ENOX1: variants seen among roughly 807,000 people sequenced by gnomAD.
The protein encoded by ENOX1 is ecto-NOX disulfide-thiol exchanger 1.
Under a neutral mutation model 82.5 loss-of-function variants are expected in ENOX1, and 42 were observed. The observed-to-expected ratio is 0.51, with a 90% CI of 0.40 to 0.66. ENOX1 has a LOEUF of 0.66. Among genes scored for constraint, ENOX1 ranks in the 30% least tolerant of loss-of-function variants. The pLI is 0.00. For missense variants in ENOX1, 608 were observed against 811.6 expected, an observed-to-expected ratio of 0.75 and a Z score of 3.05; for synonymous variants, 271 against 282.2, an observed-to-expected ratio of 0.96 and a Z score of 0.40.
intron 1 of ENOX1, among the ~76,000 whole-genome samples, chr13:43,768,189 C>T (rs1443929311): frequency 6.6e-6 from 1 of 152,250 alleles, no homozygotes; most frequent in African/African-American, 2.4e-5. Flanking sequence ...TTTTTGATTA[C>T]TGTTTAATTG....
intron 13 of ENOX1, among the ~76,000 whole-genome samples, chr13:43,266,898 A>G (rs1474003384): frequency 6.6e-5 from 10 of 152,174 alleles, no homozygotes; most frequent in African/African-American, 2.4e-4. Flanking sequence ...GTAGAGGACT[A>G]TTTTGTGAAT....
intron 2 of ENOX1, among the ~76,000 whole-genome samples, chr13:43,606,574 AT>A (rs2081983094): frequency 6.6e-6 from 1 of 152,188 alleles, no homozygotes; most frequent in African/African-American, 2.4e-5. Context: ...GTTCTTACTT[AT>A]TTGTGGGAGC....
At chr13:43,534,130 G>A (rs4601945) in intron 2 of ENOX1, among the ~76,000 whole-genome samples, 148,571 of 152,222 alleles carry the variant, frequency 0.98, 72,617 homozygotes, top group East Asian at 1. Context: ...TACCCTTTCC[G>A]TTGTATGAGT....
At chr13:43,334,477 C>G (rs1044568461) in intron 9 of ENOX1, among the ~76,000 whole-genome samples, 1 of 152,070 alleles carries the variant, frequency 6.6e-6, no homozygotes, top group Non-Finnish European at 1.5e-5. Flanking sequence ...CTCAGAGTCC[C>G]TGGGGGAGAC....
In ENOX1 at chr13:43,733,965, C is replaced by A. The variant is rs933307413; in HGVS notation, c.-285+52687G>T. Among the ~76,000 whole-genome samples the A allele has an allele frequency of 2.6e-5, 4 of 151,908 alleles. No individual in the cohort carries two copies. The East Asian group carries it at 7.7e-4, about 29-fold the overall frequency. On this transcript the variant is annotated intron_variant, in intron 1 of 16. Coordinates refer to ENST00000690772, the MANE Select transcript of ENOX1 (RefSeq NM_001347969.2). ...CAGAGTGAGACCCTGCTCCTGCCCC[C>A]CAACCAAAAAAAGAAAAGAAAAGAA...
Position 43,647,296 on chromosome 13 carries a change from T to C in ENOX1, c.-219+20183A>G, listed in dbSNP as rs151131813. Among the ~76,000 whole-genome samples, 1,006 of 152,320 alleles carry C rather than the reference T, an allele frequency of 6.6e-3. 32 individuals are homozygous for C. Among genetic ancestry groups the C allele is most frequent in the Admixed American group, 0.058 (892 of 15,278 alleles). On this transcript the variant is annotated intron_variant, in intron 2 of 16. Transcript: ENST00000690772. ...AATAGTGCTTCTATTGTAGGATTAT[T>C]ATAAAGATTGAATAAAATAAATAAA... is the stretch of plus-strand genomic sequence containing the variant.
chr13:43,292,037 T>C (rs2046029462), intron 12 of ENOX1, among the ~76,000 whole-genome samples: 1 of 151,972 alleles, frequency 6.6e-6, no homozygotes, highest in Admixed American at 6.6e-5. Flanking sequence ...CCTCCACACC[T>C]AAATATACAC....
chr13:43,373,351 C>G (rs2051374544), intron 5 of ENOX1, among the ~76,000 whole-genome samples: 1 of 152,114 alleles, frequency 6.6e-6, no homozygotes. Context: ...TCTTTCTTCT[C>G]CCCCAGGACC....
Position 43,357,304 on chromosome 13 carries a change from G to A in ENOX1, c.590-1152C>T, listed in dbSNP as rs576421844. On this transcript the variant is annotated intron_variant, in intron 7 of 16. Coordinates refer to ENST00000690772, the MANE Select transcript of ENOX1 (RefSeq NM_001347969.2). The stretch of plus-strand genomic sequence containing the variant: ...TTCAATGGATTATTTTAGCACTTGG[G>A]GATAAACCTCAGCTGAAAATCTCTG... Among the ~76,000 whole-genome samples, 33 of 152,190 alleles carry A rather than the reference G, an allele frequency of 2.2e-4. No individual in the cohort carries two copies. The South Asian group carries it at 6.6e-3, about 31-fold the overall frequency.
intron 1 of ENOX1, among the ~76,000 whole-genome samples, chr13:43,709,403 A>G (rs571572034): frequency 6.6e-6 from 1 of 152,268 alleles, no homozygotes; most frequent in Admixed American, 6.5e-5. Flanking sequence ...TAACCATTAC[A>G]GAAGAAATCT....
At chr13:43,643,605 G>A (rs896609922) in intron 2 of ENOX1, among the ~76,000 whole-genome samples, 1 of 151,096 alleles carries the variant, frequency 6.6e-6, no homozygotes, top group Non-Finnish European at 1.5e-5. Flanking sequence ...CTGTATGTAT[G>A]TGCATGTATA....
chr13:43,618,106 G>A (rs1206084658), intron 2 of ENOX1, among the ~76,000 whole-genome samples: 1 of 152,034 alleles, frequency 6.6e-6, no homozygotes, highest in Non-Finnish European at 1.5e-5. Context: ...TGAGTTCGTT[G>A]TAGATTCTGG....
intron 3 of ENOX1, among the ~76,000 whole-genome samples, chr13:43,423,803 CAG>C (rs2055123403): frequency 6.6e-6 from 1 of 152,220 alleles, no homozygotes; most frequent in Non-Finnish European, 1.5e-5. Context: ...AAGGACATAT[CAG>C]ATAATTCTTG....
chr13:43,710,349 T>A (rs1209396128), intron 1 of ENOX1, among the ~76,000 whole-genome samples: 2 of 152,066 alleles, frequency 1.3e-5, no homozygotes, highest in Non-Finnish European at 2.9e-5. Context: ...ATAGATTAAA[T>A]GAAAAAAATC....
chr13:43,438,403 A>C (rs1229209893), intron 3 of ENOX1, among the ~76,000 whole-genome samples: 1 of 152,130 alleles, frequency 6.6e-6, no homozygotes. Flanking sequence ...TAGCAATTGG[A>C]ATGTGGAAGT....
At chr13:43,408,054 G>A (rs183232024) in intron 5 of ENOX1, among the ~76,000 whole-genome samples, 11 of 152,334 alleles carry the variant, frequency 7.2e-5, no homozygotes, top group African/African-American at 2.6e-4. Flanking sequence ...ATGATCTCAA[G>A]TAGCACTTCC....
intron 2 of ENOX1, among the ~76,000 whole-genome samples, chr13:43,602,496 T>C (rs945920541): frequency 2.6e-5 from 4 of 152,120 alleles, no homozygotes; most frequent in Non-Finnish European, 5.9e-5. Context: ...AATTTCCACA[T>C]TTATCTTATA....
intron 2 of ENOX1, among the ~76,000 whole-genome samples, chr13:43,527,523 C>G (rs2078038867): frequency 6.6e-6 from 1 of 152,038 alleles, no homozygotes; most frequent in Non-Finnish European, 1.5e-5. Context: ...GATTTTGGAG[C>G]CTACATTTCT....
At chr13:43,637,084 G>A (rs1310570679) in intron 2 of ENOX1, among the ~76,000 whole-genome samples, 1 of 152,174 alleles carries the variant, frequency 6.6e-6, no homozygotes, top group Non-Finnish European at 1.5e-5. Flanking sequence ...TGAGACAAAT[G>A]GAGTAGAACC....
Sources: gnomAD v4.1 joint callset for allele counts (sites outside exome capture counted in the v4.1 genomes callset) on GRCh38, gnomAD v4.1.1 for gene constraint, MANE v1.5 for transcripts, NCBI Gene and HGNC (gene_info 2026-07-23, HGNC 2026-07-21) for gene names.